The following SCAP variants were observed in gnomAD, a reference collection of about 807,000 sequenced individuals.
SCAP encodes sterol regulatory element-binding protein cleavage-activating protein.
In SCAP, 65 loss-of-function variants were observed where a neutral mutation model predicts 123.6. That is an observed-to-expected ratio of 0.53 (90% confidence interval 0.43 to 0.65). The LOEUF (loss-of-function observed/expected upper bound fraction) is 0.65, where lower values mean the gene tolerates loss of function less well. Ranked by LOEUF, SCAP falls within the 30% of genes least tolerant of loss-of-function variation. The probability of loss-of-function intolerance (pLI) is 0.00; values close to 1 mark genes in which losing one functional copy is unlikely to be tolerated. For missense variants in SCAP, 1,398 were observed against 1,712.5 expected (o/e 0.82, Z 3.24); for synonymous variants, 740 against 726.3 (o/e 1.02, Z -0.30).
In SCAP at chr3:47,414,193, T is replaced by A; in HGVS notation, c.3581A>T (p.Tyr1194Phe). Reference protein sequence around the residue: ...IWDRSTGIKFYSIQQDLGCGA... With the variant: ...IWDRSTGIKFFSIQQDLGCGA... Reference sequence around the variant, plus strand: ...CATCCCCTCTACCTGCTGAATGGAGTAGAACTTGATGCCTGTGCTGCGGTC... The same window carrying A: ...CATCCCCTCTACCTGCTGAATGGAGAAGAACTTGATGCCTGTGCTGCGGTC... Residue 1194 changes from tyrosine to phenylalanine, a missense_variant, in exon 22 of 23, where the codon TAC becomes TTC. Around this residue, in one of 7 missense-constraint regions of SCAP, gnomAD observed 130 missense variants for 166.7 expected, o/e 0.78. Coordinates refer to ENST00000265565, the MANE Select transcript of SCAP (RefSeq NM_012235.4). 1.2e-6 allele frequency: 2 copies of A among 1,613,380 alleles called. No homozygotes were observed. The highest frequency in any genetic ancestry group is 1.1e-5 in the South Asian group (1 of 91,062).
intron 1 of SCAP, among the ~76,000 whole-genome samples, chr3:47,448,680 AT>A (rs1308369280): frequency 6.6e-6 from 1 of 151,246 alleles, no homozygotes; most frequent in Non-Finnish European, 1.5e-5. Flanking sequence ...TTAATTTTTC[AT>A]TTAGGTTGTC....
chr3:47,474,996 C>A (rs777984970), intron 1 of SCAP, among the ~76,000 whole-genome samples: 4 of 152,172 alleles, frequency 2.6e-5, no homozygotes, highest in African/African-American at 9.6e-5. Flanking sequence ...AAGAAACACA[C>A]GCAACGCTAA....
rs748535943 is a variant in SCAP, at chr3:47,415,024, T to C, written c.3140-31A>G. 170 of 1,579,942 alleles carry C rather than the reference T, an allele frequency of 1.1e-4. 7 individuals are homozygous for C. The South Asian group carries it at 1.5e-3, about 14-fold the overall frequency. ...GACAAAAGGCCAAGTGAAGAATCTC[T>C]GAGAAAGCAATGGGTAGACGGCCCC... On this transcript the variant is annotated intron_variant, in intron 19 of 22. Coordinates refer to ENST00000265565, the MANE Select transcript of SCAP (RefSeq NM_012235.4).
intron 9 of SCAP, 75 bp downstream of exon 9, chr3:47,423,858 G>A (rs970365135): frequency 1.9e-6 from 2 of 1,050,004 alleles, no homozygotes; most frequent in Non-Finnish European, 1.5e-6. Context: ...TGCTCACAGA[G>A]CGTTAACAGC....
At chr3:47,436,129 T>C (rs538327176) in intron 2 of SCAP, among the ~76,000 whole-genome samples, 2 of 151,978 alleles carry the variant, frequency 1.3e-5, no homozygotes, top group Non-Finnish European at 2.9e-5. Context: ...AAATTAGATA[T>C]AAGGGAACAA....
rs1705653112 is a variant in SCAP at position 47,417,638 on chromosome 3, G to A, written c.2636C>T (p.Thr879Ile). 3 of 1,609,042 alleles carry A rather than the reference G, an allele frequency of 1.9e-6. No individual in the cohort carries two copies. Among genetic ancestry groups the A allele is most frequent in the Non-Finnish European group, 2.5e-6 (3 of 1,178,390 alleles). ...GGACCGAGGCTGCGCTGAAAAGTTG[G>A]TGTCAATTAAGCAGGTGAGGTCAGG... The part of the protein sequence containing the change: ...DQPDLTCLID[T>I]NFSAQPRSSQ... The change falls in exon 17 of 23, where the codon ACC becomes ATC. Residue 879 changes from threonine to isoleucine, a missense_variant. Transcript: ENST00000265565.
chr3:47,448,163 C>T (rs1707122797), intron 1 of SCAP, among the ~76,000 whole-genome samples: 1 of 152,092 alleles, frequency 6.6e-6, no homozygotes, highest in South Asian at 2.1e-4. Context: ...TTTCTTTCAT[C>T]AGCATTGTAT....
At chr3:47,415,725 A>T (rs1338843441) in intron 18 of SCAP, among the ~76,000 whole-genome samples, 1 of 152,186 alleles carries the variant, frequency 6.6e-6, no homozygotes, top group Non-Finnish European at 1.5e-5. Flanking sequence ...TTTGCCCAGT[A>T]ACCCCAAAGC....
chr3:47,420,594 T>C lies in SCAP; in HGVS notation c.1523A>G (p.Tyr508Cys). ...TGCCAGGCGGGTGCGGGCCAGGAAG[T>C]AGACAACACGCAGCCTCTTGGGGAG... ...LRLPKRLRVV[Y>C]FLARTRLAQR... The change falls in exon 12 of 23, where the codon TAC becomes TGC. Residue 508 changes from tyrosine to cysteine, a missense_variant. Physicochemically the swap from Tyr to Cys is radical, Grantham distance 194. Around this residue, in one of 7 missense-constraint regions of SCAP, gnomAD observed 828 missense variants for 882.5 expected, o/e 0.94. Transcript: ENST00000265565. This position sits in a 1 kb window ranked among gnomAD's most constrained non-coding sequence, Gnocchi z 5.0. 1.2e-6 allele frequency: 2 copies of C among 1,610,620 alleles called. No homozygotes were observed. Among genetic ancestry groups the C allele is most frequent in the Non-Finnish European group, 8.5e-7 (1 of 1,179,282 alleles).
At chr3:47,422,321 T>A in intron 10 of SCAP, 121 bp downstream of exon 10, 1 of 811,194 alleles carries the variant, frequency 1.2e-6, no homozygotes, top group South Asian at 1.7e-5. Context: ...GGCAAAGAGG[T>A]CCCACCTCAG....
At chr3:47,418,976 G>T (rs1016725097) in intron 13 of SCAP, 133 bp from the exon 14 acceptor site, 5 of 1,024,696 alleles carry the variant, frequency 4.9e-6, no homozygotes, top group African/African-American at 3.3e-5. Context: ...AGCATGGGGG[G>T]TTGGGGACAG....
chr3:47,459,015 G>C (rs1286651356), intron 1 of SCAP, among the ~76,000 whole-genome samples: 2 of 152,214 alleles, frequency 1.3e-5, no homozygotes, highest in Non-Finnish European at 2.9e-5. Context: ...ATGTTGGTCA[G>C]GCTGGTTTCA....
chr3:47,414,980 C>T lies in SCAP; in HGVS notation c.3153G>A (p.Arg1051=). ...SPLQFRGTPG[R]GSSPASPVYS... is the part of the protein sequence containing the mutation. ...ACACTGGAGAGGCAGGGGAACTGCC[C>T]CGCCCTGGGGTCCCTGAGGACAAAA... The change falls in exon 20 of 23, where the codon CGG becomes CGA. Residue 1051 remains arginine, a synonymous_variant. Transcript: ENST00000265565. 6.3e-7 allele frequency: 1 copy of T among 1,596,420 alleles called. No individual in the cohort carries two copies. The highest frequency in any genetic ancestry group is 8.5e-7 in the Non-Finnish European group (1 of 1,172,278).
Position 47,419,413 on chromosome 3 carries a change from G to T in SCAP, c.1855C>A (p.Pro619Thr), listed in dbSNP as rs1360899757. ...TTCCTCCAAAGTTCCTCATCCTCAG[G>T]CCCCCAGGTTACCTCTGGGACTGGG... ...DSPVPEVTWG[P>T]EDEELWRKLS... is the part of the protein sequence containing the mutation. The change falls in exon 13 of 23, where the codon CCT becomes ACT. Residue 619 changes from proline to threonine, a missense_variant. Around this residue, in one of 7 missense-constraint regions of SCAP, gnomAD observed 828 missense variants for 882.5 expected, o/e 0.94. Transcript: ENST00000265565. The surrounding 1 kb of genome is among the most constrained non-coding windows in gnomAD (Gnocchi z 5.0). 6.2e-7 allele frequency: 1 copy of T among 1,613,544 alleles called. No homozygotes were observed. The highest frequency in any genetic ancestry group is 1.3e-5 in the African/African-American group (1 of 74,890).
intron 16 of SCAP, 62 bp downstream of exon 16, chr3:47,418,072 G>T: frequency 1.6e-6 from 2 of 1,249,774 alleles, no homozygotes; most frequent in Non-Finnish European, 2.2e-6. Flanking sequence ...GATACGTGGC[G>T]GCGGGGGGTG....
At chr3:47,466,455 AAAGAAAAGAAG>A (rs1434048485) in intron 1 of SCAP, among the ~76,000 whole-genome samples, 2 of 152,194 alleles carry the variant, frequency 1.3e-5, no homozygotes, top group Non-Finnish European at 2.9e-5. Flanking sequence ...AACCTGAAAA[AAAGAAAAGAAG>A]AAGAAAAAAG....
chr3:47,464,160 C>T (rs1028822563), intron 1 of SCAP, among the ~76,000 whole-genome samples: 4 of 152,068 alleles, frequency 2.6e-5, no homozygotes, highest in African/African-American at 9.7e-5. Context: ...GGATTACAGG[C>T]GCTTCCCACT....
At chr3:47,427,767 AT>A in intron 4 of SCAP, 100 bp from the exon 5 acceptor site, 1 of 1,062,682 alleles carries the variant, frequency 9.4e-7, no homozygotes, top group Non-Finnish European at 1.4e-6. Flanking sequence ...AATGCCCCAT[AT>A]TTGCTCTCTG....
chr3:47,462,047 C>G (rs930997261), intron 1 of SCAP, among the ~76,000 whole-genome samples: 3 of 152,060 alleles, frequency 2.0e-5, no homozygotes, highest in Non-Finnish European at 4.4e-5. Context: ...AAAAAGCAAT[C>G]TAGCATTCAG....
Sources: gnomAD v4.1 joint callset for allele counts (sites outside exome capture counted in the v4.1 genomes callset) on GRCh38, gnomAD v4.1.1 for gene constraint, gnomAD v4.1.1 regional missense constraint, Gnocchi (gnomAD v3.1) non-coding constraint, MANE v1.5 for transcripts, NCBI Gene and HGNC (gene_info 2026-07-23, HGNC 2026-07-21) for gene names.